The following EXTL1 variants were observed in gnomAD, a reference collection of about 807,000 sequenced individuals.
The protein encoded by EXTL1 is exostosin like glycosyltransferase 1, also known as exostosin-like 1.
A neutral mutation model predicts 64.6 loss-of-function variants in EXTL1; 43 were observed. The ratio of observed to expected loss-of-function variants is 0.67; its 90% CI spans 0.52 to 0.86. The LOEUF is 0.86. EXTL1 is among the 40% of genes least tolerant of loss of function. EXTL1 has a pLI of 0.00. For missense variants in EXTL1, 766 were observed against 879.0 expected (o/e 0.87, Z 1.62); for synonymous variants, 352 against 360.5 (o/e 0.98, Z 0.27).
intron 1 of EXTL1, 77 bp downstream of exon 1, chr1:26,023,502 G>C: frequency 7.4e-7 from 1 of 1,359,948 alleles, no homozygotes; most frequent in Non-Finnish European, 9.6e-7. Flanking sequence ...AGGGTAGAAG[G>C]CAGGACTGAG....
At position 26,034,936 on chromosome 1, in the gene EXTL1, G is replaced by T. The variant is rs553541620; in HGVS notation, c.1780G>T (p.Ala594Ser). 5.6e-6 allele frequency: 9 copies of T among 1,614,200 alleles called. No individual in the cohort carries two copies. The South Asian group carries it at 8.8e-5, about 16-fold the overall frequency. ...CVDVLMNFIV[A>S]AVTKLPPIKV... Reference sequence around the variant, plus strand: ...GGACGTCCTGATGAATTTCATAGTAGCAGCAGTCACCAAGCTGCCCCCTAT... The same window carrying T: ...GGACGTCCTGATGAATTTCATAGTATCAGCAGTCACCAAGCTGCCCCCTAT... The change falls in exon 10 of 11, where the codon GCA (alanine) becomes TCA (serine). Residue 594 changes from alanine to serine, a missense_variant. By Grantham distance (99) the Ala-to-Ser change is moderately conservative. This residue lies in a region of EXTL1 where 194 missense variants were observed against 214.5 expected (regional missense o/e 0.90). Transcript: ENST00000374280. This position sits in a 1 kb window ranked among gnomAD's most constrained non-coding sequence, Gnocchi z 4.6.
chr1:26,034,477 A>C lies in EXTL1; in HGVS notation c.1680-359A>C, dbSNP rs529034255. On this transcript the variant is annotated intron_variant, in intron 9 of 10. Coordinates refer to ENST00000374280, the MANE Select transcript of EXTL1 (RefSeq NM_004455.3). This position sits in a 1 kb window ranked among gnomAD's most constrained non-coding sequence, Gnocchi z 4.6. ...GGCCGTGTGAAGTGAGCTCACCCGG[A>C]GCGGTATCAGCCTGGTTCATCCACA... 6.9e-4 allele frequency among the ~76,000 whole-genome samples: 105 copies of C among 152,306 alleles called. No homozygotes were observed. Among genetic ancestry groups the C allele is most frequent in the African/African-American group, 2.4e-3 (99 of 41,562 alleles).
chr1:26,034,992 G>A lies in EXTL1; in HGVS notation c.1836G>A (p.Glu612=), dbSNP rs867109020. 1.2e-6 allele frequency: 2 copies of A among 1,614,190 alleles called. No homozygotes were observed. Among genetic ancestry groups the A allele is most frequent in the East Asian group, 4.5e-5 (2 of 44,886 alleles). ...IKVPYGKQRQ[E]AAPLAPGGPG... is the part of the protein sequence containing the mutation. ...TGCCCTATGGCAAGCAGCGCCAGGA[G>A]GCTGCTCCACTGGTGAGGGCTGAGG... The change falls in exon 10 of 11, where the codon GAG becomes GAA. Residue 612 remains glutamate, a synonymous_variant. Transcript: ENST00000374280. This position sits in a 1 kb window ranked among gnomAD's most constrained non-coding sequence, Gnocchi z 4.6.
Position 26,025,018 on chromosome 1 carries a change from AT to A in EXTL1, c.779+1598del. ...TAGCGTGGGTCACCCTCTGAGTAGCATTTTTGATAAGTTTTATTTCCCAGGG... is the reference window on the plus strand; with the variant it reads ...TAGCGTGGGTCACCCTCTGAGTAGCATTTTGATAAGTTTTATTTCCCAGGG... On this transcript the variant is annotated intron_variant, in intron 1 of 10. Transcript: ENST00000374280. The surrounding 1 kb of genome is among the most constrained non-coding windows in gnomAD (Gnocchi z 5.3). Among the ~76,000 whole-genome samples the A allele has an allele frequency of 6.6e-6, 1 of 152,274 alleles. No individual in the cohort carries two copies. Among genetic ancestry groups the A allele is most frequent in the Non-Finnish European group, 1.5e-5 (1 of 68,008 alleles).
chr1:26,027,640 G>A (rs144021902), intron 1 of EXTL1, among the ~76,000 whole-genome samples: 5,800 of 146,324 alleles, frequency 0.04, 425 homozygotes, highest in African/African-American at 0.14. Context: ...AGGATCACTT[G>A]AGGCCAGGAG....
Position 26,023,269 on chromosome 1 carries a change from G to A in EXTL1, c.623G>A (p.Arg208Gln), listed in dbSNP as rs760822796. 7 of 1,584,066 alleles carry A rather than the reference G, an allele frequency of 4.4e-6. No homozygotes were observed. The highest frequency in any genetic ancestry group is 1.3e-5 in the African/African-American group (1 of 74,390). The part of the protein sequence containing the change: ...LPFLPEAHPL[R>Q]GGAPGQLRQH... ...TTTCTCCCTGAAGCCCACCCGTTGC[G>A]AGGTGGGGCTCCTGGCCAGCTGCGG... The change falls in exon 1 of 11, where the codon CGA (arginine) becomes CAA (glutamine). Residue 208 changes from arginine (R) to glutamine (Q), a missense_variant. Around this residue, in one of 3 missense-constraint regions of EXTL1, gnomAD observed 571 missense variants for 647.6 expected, o/e 0.88. Coordinates refer to ENST00000374280, the MANE Select transcript of EXTL1 (RefSeq NM_004455.3).
At chr1:26,026,055 A>G (rs541415027) in intron 1 of EXTL1, among the ~76,000 whole-genome samples, 93 of 152,096 alleles carry the variant, frequency 6.1e-4, no homozygotes, top group African/African-American at 2.1e-3. Context: ...CTTAGGCAAC[A>G]TGGTGAGACC....
chr1:26,031,986 AG>A (rs2050292106), intron 6 of EXTL1: 3 of 221,176 alleles, frequency 1.4e-5, no homozygotes, highest in South Asian at 2.9e-4. Flanking sequence ...TTGTAGAGGA[AG>A]TGAAGCAGTT....
At chr1:26,028,754 C>T (rs755281973) in intron 1 of EXTL1, among the ~76,000 whole-genome samples, 29 of 152,152 alleles carry the variant, frequency 1.9e-4, no homozygotes, top group African/African-American at 4.1e-4. Flanking sequence ...CTTTTAGCAT[C>T]GGGGAGGGCT....
intron 7 of EXTL1, 138 bp downstream of exon 7, chr1:26,032,623 G>C: frequency 1.6e-6 from 1 of 619,474 alleles, no homozygotes; most frequent in East Asian, 2.8e-5. Flanking sequence ...TCAGCCACAG[G>C]GCTAATAGTA....
chr1:26,029,963 G>A (rs999658062), intron 3 of EXTL1, among the ~76,000 whole-genome samples: 2 of 152,206 alleles, frequency 1.3e-5, no homozygotes, highest in Non-Finnish European at 2.9e-5. Flanking sequence ...GGATGAGCTA[G>A]ACCAGACAAT....
At chr1:26,024,007 C>T (rs1342491240) in intron 1 of EXTL1, among the ~76,000 whole-genome samples, 2 of 152,154 alleles carry the variant, frequency 1.3e-5, no homozygotes, top group East Asian at 3.9e-4. Context: ...GAAGCTGCTC[C>T]CGTGTCTAAT....
chr1:26,024,696 C>T (rs1484654961), intron 1 of EXTL1, among the ~76,000 whole-genome samples: 1 of 152,196 alleles, frequency 6.6e-6, no homozygotes, highest in Non-Finnish European at 1.5e-5. Context: ...CTCCCCCAAG[C>T]CCCTGCAGCT....
Position 26,025,316 on chromosome 1 carries a change from T to C in EXTL1, c.779+1891T>C, listed in dbSNP as rs886267731. Among the ~76,000 whole-genome samples the C allele has an allele frequency of 3.9e-5, 6 of 152,146 alleles. No homozygotes were observed. The highest frequency in any genetic ancestry group is 4.8e-5 in the African/African-American group (2 of 41,442). ...GAGTGGGGAGAGGAGGAGGCTACAT[T>C]TGAGGAGTGCCTGGCTTGGGCCAGG... On this transcript the variant is annotated intron_variant, in intron 1 of 10. Transcript: ENST00000374280. This position sits in a 1 kb window ranked among gnomAD's most constrained non-coding sequence, Gnocchi z 5.3.
intron 3 of EXTL1, among the ~76,000 whole-genome samples, chr1:26,030,248 TACTC>T (rs1225220458): frequency 6.6e-6 from 1 of 151,886 alleles, no homozygotes; most frequent in Non-Finnish European, 1.5e-5. Context: ...AATGAGCAAA[TACTC>T]AGGTTAAATA....
In EXTL1 at chr1:26,034,707, C is replaced by A; in HGVS notation, c.1680-129C>A. ...GCTGTTCACGCCAGGGATGGGAGCT[C>A]TCTGAGGCAGCCAGGGCTCAGAGGC... On this transcript the variant is annotated intron_variant, in intron 9 of 10. Coordinates refer to ENST00000374280, the MANE Select transcript of EXTL1 (RefSeq NM_004455.3). This position sits in a 1 kb window ranked among gnomAD's most constrained non-coding sequence, Gnocchi z 4.6. 1.1e-6 allele frequency: 1 copy of A among 908,896 alleles called. No homozygotes were observed. The highest frequency in any genetic ancestry group is 1.7e-6 in the Non-Finnish European group (1 of 584,580). The allele number at this position is 908,896 out of a possible 1,614,324, so 56.3% of individuals were successfully genotyped here.
Position 26,025,903 on chromosome 1 carries a change from G to T in EXTL1, c.779+2478G>T, listed in dbSNP as rs1414163272. On this transcript the variant is annotated intron_variant, in intron 1 of 10. Coordinates refer to ENST00000374280, the MANE Select transcript of EXTL1 (RefSeq NM_004455.3). The surrounding 1 kb of genome is among the most constrained non-coding windows in gnomAD (Gnocchi z 5.3). The stretch of plus-strand genomic sequence containing the variant: ...CCAGGCTGTATCCATTGGGAACAAG[G>T]GGCACAGTCAGTACCTAGGGCCCAT... 2.0e-5 allele frequency among the ~76,000 whole-genome samples: 3 copies of T among 152,094 alleles called. No individual in the cohort carries two copies. The highest frequency in any genetic ancestry group is 4.8e-5 in the African/African-American group (2 of 41,388).
rs2050342137 is a variant in EXTL1 at position 26,036,445 on chromosome 1, C to A, written c.*1098C>A. ...GAAATAAAGCGCGTGTCCTTGCCCC[C>A]TCACGCTCCAGGCTATAAATACCCT... On this transcript the variant is annotated 3_prime_UTR_variant, in exon 11 of 11. Coordinates refer to ENST00000374280, the MANE Select transcript of EXTL1 (RefSeq NM_004455.3). The surrounding 1 kb of genome is among the most constrained non-coding windows in gnomAD (Gnocchi z 5.2). 6.6e-6 allele frequency: 1 copy of A among 152,220 alleles called. No homozygotes were observed. The highest frequency in any genetic ancestry group is 2.1e-4 in the South Asian group (1 of 4,834). 9.4% of individuals were successfully genotyped at this position (152,220 alleles called of 1,614,324 possible). A position where few individuals can be genotyped will look rare whatever the true frequency, so the allele number is the denominator to read the frequency against.
intron 6 of EXTL1, among the ~76,000 whole-genome samples, 200 bp downstream of exon 6, chr1:26,031,766 A>C (rs1481191254): frequency 6.6e-6 from 1 of 152,252 alleles, no homozygotes. Flanking sequence ...AGCCACGTGA[A>C]AAGCAGATGT....
Sources: allele counts gnomAD v4.1 joint callset (sites outside exome capture counted in the v4.1 genomes callset), GRCh38; gene constraint gnomAD v4.1.1; regional missense constraint gnomAD v4.1.1; non-coding constraint Gnocchi (gnomAD v3.1); transcripts MANE v1.5; gene names NCBI Gene and HGNC (gene_info 2026-07-23, HGNC 2026-07-21).